Variants in WNT3A observed in about 807,000 individuals in gnomAD.
WNT3A encodes Wnt family member 3A.
WNT3A carries 17 observed loss-of-function variants against 37.0 expected under a neutral mutation model. The ratio of observed to expected loss-of-function variants is 0.46; its 90% CI spans 0.31 to 0.69. WNT3A has a LOEUF of 0.69. Among genes scored for constraint, WNT3A ranks in the 30% least tolerant of loss-of-function variants. The probability of loss-of-function intolerance (pLI) is 0.05; values close to 1 mark genes in which losing one functional copy is unlikely to be tolerated. For synonymous variants in WNT3A, 187 were observed against 211.0 expected, an observed-to-expected ratio of 0.89 and a Z score of 0.99; for missense variants, 411 against 510.2, an observed-to-expected ratio of 0.81 and a Z score of 1.87.
At chr1:228,015,595 C>T (rs1378491869) in intron 1 of WNT3A, among the ~76,000 whole-genome samples, 2 of 152,198 alleles carry the variant, frequency 1.3e-5, no homozygotes, top group South Asian at 2.1e-4. Flanking sequence ...GCCTTCCTGC[C>T]CCTGCTGTTC....
intron 1 of WNT3A, among the ~76,000 whole-genome samples, chr1:228,016,851 C>G (rs546405524): frequency 7.9e-5 from 12 of 152,200 alleles, no homozygotes; most frequent in African/African-American, 2.9e-4. Context: ...TTCTAACAAC[C>G]AGCTCCTGCA....
In WNT3A at chr1:228,008,795, C is replaced by T. The variant is rs1275210986; in HGVS notation, c.71+1596C>T. On this transcript the variant is annotated intron_variant, in intron 1 of 3. Coordinates refer to ENST00000284523, the MANE Select transcript of WNT3A (RefSeq NM_033131.4). This position sits in a 1 kb window ranked among gnomAD's most constrained non-coding sequence, Gnocchi z 4.9. The stretch of plus-strand genomic sequence containing the variant: ...CGCCCTTCCCATAAATGTCGCCAGC[C>T]TCCTGGCAACCCCGCGCCCTAGGAT... Among the ~76,000 whole-genome samples, 1 of 152,212 alleles carries T rather than the reference C, an allele frequency of 6.6e-6. No individual in the cohort carries two copies. Among genetic ancestry groups the T allele is most frequent in the Non-Finnish European group, 1.5e-5 (1 of 68,026 alleles).
In WNT3A at chr1:228,007,469, C is replaced by A. The variant is rs2030232492; in HGVS notation, c.71+270C>A. Among the ~76,000 whole-genome samples, 1 of 152,080 alleles carries A rather than the reference C, an allele frequency of 6.6e-6. No homozygotes were observed. Among genetic ancestry groups the A allele is most frequent in the African/African-American group, 2.4e-5 (1 of 41,404 alleles). ...GGTCCTAGCTGCCCCTGGCGTCGGACAGGGCGAGCAGTGGGCTGGGGAGAG... is the reference window on the plus strand; with the variant it reads ...GGTCCTAGCTGCCCCTGGCGTCGGAAAGGGCGAGCAGTGGGCTGGGGAGAG... On this transcript the variant is annotated intron_variant, in intron 1 of 3. Transcript: ENST00000284523. This position sits in a 1 kb window ranked among gnomAD's most constrained non-coding sequence, Gnocchi z 6.0.
chr1:228,050,850 G>A lies in WNT3A; in HGVS notation c.508G>A (p.Ala170Thr), dbSNP rs1218915358. 5.6e-6 allele frequency: 9 copies of A among 1,597,724 alleles called. No homozygotes were observed. The highest frequency in any genetic ancestry group is 1.7e-5 in the Admixed American group (1 of 57,674). The change falls in exon 3 of 4, where the codon GCC becomes ACC. Residue 170 changes from alanine (A) to threonine (T), a missense_variant. Transcript: ENST00000284523. The surrounding 1 kb of genome is among the most constrained non-coding windows in gnomAD (Gnocchi z 5.0). ...TGGTGGGATGGTGTCTCGGGAGTTC[G>A]CCGACGCCCGGGAGAACCGGCCAGA... ...EFGGMVSREFADARENRPDAR... is the reference protein window; with the variant it reads ...EFGGMVSREFTDARENRPDAR...
Position 228,059,813 on chromosome 1 carries a change from G to A in WNT3A, c.*348G>A, listed in dbSNP as rs1418526875. ...TTGGGTGGGACAGGGCTTCTCCTGC[G>A]GGGGCGAGGCCCCTCCCAGTAAGGG... is the stretch of plus-strand genomic sequence containing the variant. On this transcript the variant is annotated 3_prime_UTR_variant, in exon 4 of 4. Coordinates refer to ENST00000284523, the MANE Select transcript of WNT3A (RefSeq NM_033131.4). 3 of 1,094,586 alleles carry A rather than the reference G, an allele frequency of 2.7e-6. No individual in the cohort carries two copies. Among genetic ancestry groups the A allele is most frequent in the Non-Finnish European group, 2.2e-6 (2 of 899,686 alleles). The allele number at this position is 1,094,586 out of a possible 1,614,324, so 67.8% of individuals were successfully genotyped here. A position where few individuals can be genotyped will look rare whatever the true frequency, so the allele number is the denominator to read the frequency against.
At chr1:228,020,280 C>T (rs976814987) in intron 1 of WNT3A, among the ~76,000 whole-genome samples, 8 of 152,252 alleles carry the variant, frequency 5.3e-5, no homozygotes, top group Non-Finnish European at 8.8e-5. Flanking sequence ...GTTGGTCTCC[C>T]GGCCTCACCC....
intron 2 of WNT3A, among the ~76,000 whole-genome samples, chr1:228,035,058 A>G (rs1268386324): frequency 6.6e-6 from 1 of 152,164 alleles, no homozygotes; most frequent in Non-Finnish European, 1.5e-5. Flanking sequence ...GCCACACAGC[A>G]TATGCTTAGA....
intron 2 of WNT3A, among the ~76,000 whole-genome samples, chr1:228,028,292 A>AT (rs56294253): frequency 0.1 from 12,046 of 120,032 alleles, 803 homozygotes; most frequent in Non-Finnish European, 0.14. Context: ...GTTACATATA[A>AT]TTTTTTTTTT....
intron 1 of WNT3A, among the ~76,000 whole-genome samples, chr1:228,009,353 C>T: frequency 6.6e-6 from 1 of 152,288 alleles, no homozygotes; most frequent in East Asian, 1.9e-4. Flanking sequence ...TGCTGCAGGA[C>T]CCCTGCTGCT....
rs73110731 is a variant in WNT3A at position 228,007,550 on chromosome 1, G to C, written c.71+351G>C. 2.5e-3 allele frequency among the ~76,000 whole-genome samples: 381 copies of C among 152,300 alleles called. 2 individuals are homozygous for C. The highest frequency in any genetic ancestry group is 8.8e-3 in the African/African-American group (364 of 41,572). ...GAGGGGACAGGCAGCTCGAGGCCAG[G>C]GGACAGGCGAGGGAAGAGGGCCAGC... On this transcript the variant is annotated intron_variant, in intron 1 of 3. Coordinates refer to ENST00000284523, the MANE Select transcript of WNT3A (RefSeq NM_033131.4). The surrounding 1 kb of genome is among the most constrained non-coding windows in gnomAD (Gnocchi z 6.0).
Position 228,031,120 on chromosome 1 carries a change from A to C in WNT3A, c.313+8212A>C, listed in dbSNP as rs2030991607. The stretch of plus-strand genomic sequence containing the variant: ...CCCTCATCACGGGCCTGTGTTCTTC[A>C]GGCGTGGGGAAGGCACCGTGGGGCA... On this transcript the variant is annotated intron_variant, in intron 2 of 3. Transcript: ENST00000284523. The surrounding 1 kb of genome is among the most constrained non-coding windows in gnomAD (Gnocchi z 4.8). Among the ~76,000 whole-genome samples the C allele has an allele frequency of 6.6e-6, 1 of 152,162 alleles. No individual in the cohort carries two copies. The highest frequency in any genetic ancestry group is 1.5e-5 in the Non-Finnish European group (1 of 68,024).
intron 3 of WNT3A, among the ~76,000 whole-genome samples, chr1:228,052,833 C>T (rs952549018): frequency 7.9e-5 from 12 of 152,182 alleles, no homozygotes; most frequent in African/African-American, 2.9e-4. Context: ...CAGTGCAGTG[C>T]CATGGGAGAA....
Position 228,038,516 on chromosome 1 carries a change from C to T in WNT3A, c.314-12140C>T, listed in dbSNP as rs893321423. Among the ~76,000 whole-genome samples, 3 of 152,220 alleles carry T rather than the reference C, an allele frequency of 2.0e-5. No individual in the cohort carries two copies. In the East Asian group the frequency reaches 5.8e-4, roughly 29 times the overall value. On this transcript the variant is annotated intron_variant, in intron 2 of 3. Transcript: ENST00000284523. The surrounding 1 kb of genome is among the most constrained non-coding windows in gnomAD (Gnocchi z 5.7). ...TTGGGGCCACAGTGACCTGCAGGCC[C>T]CTGGCCAGTCTGGTCAGGTGGTCCT...
intron 3 of WNT3A, among the ~76,000 whole-genome samples, chr1:228,051,830 T>C (rs2031560167): frequency 6.6e-6 from 1 of 151,678 alleles, no homozygotes; most frequent in Non-Finnish European, 1.5e-5. Context: ...AGAAGTGGAG[T>C]GGTAGCAGGC....
intron 1 of WNT3A, among the ~76,000 whole-genome samples, chr1:228,021,063 A>G (rs560698179): frequency 2.6e-5 from 4 of 152,290 alleles, no homozygotes; most frequent in Non-Finnish European, 5.9e-5. Context: ...AAAATGGAAG[A>G]CCCTAAGTGC....
At chr1:228,011,430 G>A (rs1185523049) in intron 1 of WNT3A, among the ~76,000 whole-genome samples, 4 of 152,020 alleles carry the variant, frequency 2.6e-5, no homozygotes, top group Non-Finnish European at 5.9e-5. Flanking sequence ...TTCTCCCTTC[G>A]CCCGCATCTG....
intron 2 of WNT3A, among the ~76,000 whole-genome samples, chr1:228,043,126 T>A (rs1321638028): frequency 6.6e-6 from 1 of 152,228 alleles, no homozygotes; most frequent in African/African-American, 2.4e-5. Context: ...AGATAATTGA[T>A]ACTTTGGATG....
At chr1:228,055,176 AAAAATATATAT>A (rs1477984391) in intron 3 of WNT3A, among the ~76,000 whole-genome samples, 4 of 59,078 alleles carry the variant, frequency 6.8e-5, no homozygotes, top group Admixed American at 2.1e-4. Flanking sequence ...AAAAAAAAAA[AAAAATATATAT>A]ATATATATAT....
At chr1:228,040,445 C>A (rs1453231576) in intron 2 of WNT3A, among the ~76,000 whole-genome samples, 3 of 152,180 alleles carry the variant, frequency 2.0e-5, no homozygotes, top group African/African-American at 4.8e-5. Context: ...GTAAGGTCAG[C>A]TCTGAGAGGA....
Sources: allele counts gnomAD v4.1 joint callset (sites outside exome capture counted in the v4.1 genomes callset), GRCh38; gene constraint gnomAD v4.1.1; non-coding constraint Gnocchi (gnomAD v3.1); transcripts MANE v1.5; gene names NCBI Gene and HGNC (gene_info 2026-07-23, HGNC 2026-07-21).